ZBTB40: variants seen among roughly 807,000 people sequenced by gnomAD.
ZBTB40 encodes the protein zinc finger and BTB domain containing 40.
In ZBTB40, 60 loss-of-function variants were observed where a neutral mutation model predicts 117.5. The ratio of observed to expected loss-of-function variants is 0.51; its 90% CI spans 0.41 to 0.63. The LOEUF (loss-of-function observed/expected upper bound fraction) is 0.63. Among genes scored for constraint, ZBTB40 ranks in the 30% least tolerant of loss-of-function variants. The pLI, the probability that ZBTB40 is intolerant of heterozygous loss-of-function variation, is 0.00. For synonymous variants in ZBTB40, 525 were observed against 577.1 expected, an observed-to-expected ratio of 0.91 and a Z score of 1.29; for missense variants, 1,287 against 1,498.5, an observed-to-expected ratio of 0.86 and a Z score of 2.33.
At chr1:22,450,229 G>T (rs555219488), upstream of ZBTB40, among the ~76,000 whole-genome samples, 2 of 152,256 alleles carry the variant, frequency 1.3e-5, no homozygotes, top group South Asian at 4.1e-4. Flanking sequence ...ATGCCCAGTG[G>T]CTCACACCTG....
chr1:22,433,708 G>A (rs1184320829), intron 1 of ZBTB40, among the ~76,000 whole-genome samples: 1 of 148,116 alleles, frequency 6.8e-6, no homozygotes, highest in African/African-American at 2.5e-5. Flanking sequence ...ATGTATTGAA[G>A]TTATTTCCCT....
intron 4 of ZBTB40, among the ~76,000 whole-genome samples, chr1:22,502,092 G>A (rs146424144): frequency 7.2e-5 from 11 of 152,274 alleles, no homozygotes; most frequent in African/African-American, 1.4e-4. Flanking sequence ...TTTGTGTTTC[G>A]ACAGATAAAT....
At chr1:22,481,787 CAAAAAAAA>C (rs766474050) in intron 1 of ZBTB40, among the ~76,000 whole-genome samples, 64 of 64,308 alleles carry the variant, frequency 1.0e-3, no homozygotes, top group African/African-American at 3.6e-3. Context: ...CTTGTTTTAC[CAAAAAAAA>C]AAAAAAAAAA....
At position 22,512,145 on chromosome 1, in the gene ZBTB40, G is replaced by C. The variant is rs377586197; in HGVS notation, c.2461+11G>C. 1.2e-5 allele frequency: 20 copies of C among 1,612,314 alleles called. No individual in the cohort carries two copies. The highest frequency in any genetic ancestry group is 1.6e-5 in the Non-Finnish European group (19 of 1,179,952). ...TTGCCCATGCCTCAGGTACGTTCAA[G>C]AAGGCAAAGGAACAGAGGATGATAA... On this transcript the variant is annotated intron_variant, in intron 11 of 17. Coordinates refer to ENST00000375647, the MANE Select transcript of ZBTB40 (RefSeq NM_014870.4).
chr1:22,431,378 GTGTGTGTA>G (rs1436068570), intron 1 of ZBTB40, among the ~76,000 whole-genome samples: 2 of 17,324 alleles, frequency 1.2e-4, no homozygotes, highest in Admixed American at 9.1e-4. Context: ...GTGTGTGTGT[GTGTGTGTA>G]TATATATATA....
At chr1:22,493,303 GT>G (rs1424915894) in intron 3 of ZBTB40, among the ~76,000 whole-genome samples, 1 of 152,160 alleles carries the variant, frequency 6.6e-6, no homozygotes, top group African/African-American at 2.4e-5. Context: ...CTTGGTGGCT[GT>G]TTTTAAAGCC....
At chr1:22,509,490 G>T (rs1464307199) in intron 9 of ZBTB40, among the ~76,000 whole-genome samples, 1 of 152,140 alleles carries the variant, frequency 6.6e-6, no homozygotes, top group Non-Finnish European at 1.5e-5. Context: ...GGGATTACAG[G>T]TGCGCACCAC....
chr1:22,501,533 A>C lies in ZBTB40; in HGVS notation c.873A>C (p.Ala291=). The change falls in exon 4 of 18, where the codon GCA becomes GCC. Residue 291 remains alanine (A), a synonymous_variant. Transcript: ENST00000375647. ...TCGAGGGTGAAGGAGGACATTCAGC[A>C]TTCCAGAGAATCCTGGGTAAAGTAA... is the stretch of plus-strand genomic sequence containing the variant. ...KCFEGEGGHS[A]FQRILGKVRE... 1 of 1,614,194 alleles carries C rather than the reference A, an allele frequency of 6.2e-7. No homozygotes were observed. Among genetic ancestry groups the C allele is most frequent in the Non-Finnish European group, 8.5e-7 (1 of 1,180,018 alleles).
chr1:22,489,003 A>G (rs1282530853), intron 1 of ZBTB40, among the ~76,000 whole-genome samples: 1 of 152,226 alleles, frequency 6.6e-6, no homozygotes, highest in African/African-American at 2.4e-5. Context: ...AGAAAAAGCA[A>G]AAGTCAAGGA....
intron 1 of ZBTB40, among the ~76,000 whole-genome samples, chr1:22,465,185 G>T (rs935780578): frequency 6.6e-6 from 1 of 152,236 alleles, no homozygotes; most frequent in Non-Finnish European, 1.5e-5. Flanking sequence ...AAGCCCTGGA[G>T]AGGGTAGCTC....
intron 1 of ZBTB40, among the ~76,000 whole-genome samples, chr1:22,430,638 ATT>A (rs112026539): frequency 2.1e-5 from 3 of 144,458 alleles, no homozygotes; most frequent in Non-Finnish European, 1.5e-5. Flanking sequence ...CACCCGACTA[ATT>A]TTTTTTTTTT....
At chr1:22,481,820 A>G (rs1239232247) in intron 1 of ZBTB40, among the ~76,000 whole-genome samples, 1 of 142,464 alleles carries the variant, frequency 7.0e-6, no homozygotes, top group African/African-American at 2.6e-5. Flanking sequence ...AAAAAATCAC[A>G]TTACATTGGT....
At chr1:22,471,337 T>C (rs889175056) in intron 1 of ZBTB40, among the ~76,000 whole-genome samples, 3 of 152,176 alleles carry the variant, frequency 2.0e-5, no homozygotes, top group Admixed American at 6.5e-5. Context: ...CTGTGAGGGA[T>C]TGGGGAATGA....
chr1:22,474,656 G>A (rs1465626051), intron 1 of ZBTB40, among the ~76,000 whole-genome samples: 2 of 152,166 alleles, frequency 1.3e-5, no homozygotes, highest in African/African-American at 4.8e-5. Context: ...GACTCTGGTT[G>A]TTTGTGAGCT....
intron 1 of ZBTB40, among the ~76,000 whole-genome samples, chr1:22,485,753 T>C (rs946340466): frequency 2.0e-5 from 3 of 152,216 alleles, no homozygotes; most frequent in African/African-American, 7.2e-5. Flanking sequence ...CTTCTTTTTT[T>C]ACTTTGCTTT....
chr1:22,498,609 T>G (rs915106183), intron 3 of ZBTB40, among the ~76,000 whole-genome samples: 2 of 152,192 alleles, frequency 1.3e-5, no homozygotes, highest in Non-Finnish European at 2.9e-5. Context: ...AGTGAACAAA[T>G]GTTTTAATTT....
intron 1 of ZBTB40, among the ~76,000 whole-genome samples, chr1:22,437,110 A>G (rs1569736466): frequency 1.3e-5 from 2 of 152,328 alleles, no homozygotes; most frequent in Admixed American, 6.5e-5. Context: ...ACAATAAGTA[A>G]AAGCCAAACA....
Position 22,526,600 on chromosome 1 carries a change from C to T in ZBTB40, c.*204C>T. The T allele has an allele frequency of 1.6e-6, 1 of 635,498 alleles. No homozygotes were observed. Among genetic ancestry groups the T allele is most frequent in the South Asian group, 1.8e-5 (1 of 56,792 alleles). The allele number at this position is 635,498 out of a possible 1,614,324, so 39.4% of individuals were successfully genotyped here. On this transcript the variant is annotated 3_prime_UTR_variant, in exon 18 of 18. Transcript: ENST00000375647. ...ATCTGAGCCCTCAACACCAACAGCA[C>T]CATCCTCTGTAGCAGACAGGCCTCC...
intron 1 of ZBTB40, among the ~76,000 whole-genome samples, chr1:22,446,728 AC>A (rs938508401): frequency 3.3e-5 from 5 of 152,166 alleles, no homozygotes; most frequent in Admixed American, 6.5e-5. Context: ...TCTCAGACGA[AC>A]AAAAATTGAG....
Sources: gnomAD v4.1 joint callset for allele counts (sites outside exome capture counted in the v4.1 genomes callset) on GRCh38, gnomAD v4.1.1 for gene constraint, MANE v1.5 for transcripts, NCBI Gene and HGNC (gene_info 2026-07-23, HGNC 2026-07-21) for gene names.